Variants in HDAC10 observed in about 807,000 individuals in gnomAD.
The protein encoded by HDAC10 is histone deacetylase 10, also known as polyamine deacetylase HDAC10.
A neutral mutation model predicts 82.3 loss-of-function variants in HDAC10; 90 were observed. That is an observed-to-expected ratio of 1.09 (90% CI 0.92 to 1.30). HDAC10 has a LOEUF of 1.30. Among genes scored for constraint, HDAC10 ranks in the 50% most tolerant of loss-of-function variants. The probability of loss-of-function intolerance (pLI) is 0.00; values close to 1 mark genes in which losing one functional copy is unlikely to be tolerated. For synonymous variants in HDAC10, 456 were observed against 391.7 expected (o/e 1.16, Z -1.94); for missense variants, 934 against 876.3 (o/e 1.07, Z -0.83).
Position 50,245,234 on chromosome 22 carries a change from G to A in HDAC10, c.*273C>T, listed in dbSNP as rs970630954. On this transcript the variant is annotated 3_prime_UTR_variant, in exon 20 of 20. Coordinates refer to ENST00000216271, the MANE Select transcript of HDAC10 (RefSeq NM_032019.6). ...GCGCAAGGGCGGGGAGCGAAGCGCA[G>A]CGGGGCGCAGGGGCCGGAACGGGAC... The A allele has an allele frequency of 1.7e-6, 1 of 574,168 alleles. No homozygotes were observed. The highest frequency in any genetic ancestry group is 2.0e-5 in the African/African-American group (1 of 51,184). 35.6% of individuals were successfully genotyped at this position (574,168 alleles called of 1,614,324 possible). A position where few individuals can be genotyped will look rare whatever the true frequency, so the allele number is the denominator to read the frequency against.
rs1172153666 is a variant in HDAC10 at position 50,245,334 on chromosome 22, G to A, written c.*173C>T. 1 of 645,576 alleles carries A rather than the reference G, an allele frequency of 1.5e-6. No homozygotes were observed. Among genetic ancestry groups the A allele is most frequent in the East Asian group, 2.7e-5 (1 of 36,642 alleles). The allele number at this position is 645,576 out of a possible 1,614,324, so 40.0% of individuals were successfully genotyped here. ...TGGGGCGGGGGCGAGGTGAGGTGAG[G>A]GGTGGAGCGGGGGAAGCACGGGTGG... On this transcript the variant is annotated 3_prime_UTR_variant, in exon 20 of 20. Coordinates refer to ENST00000216271, the MANE Select transcript of HDAC10 (RefSeq NM_032019.6).
At position 50,248,794 on chromosome 22, in the gene HDAC10, A is replaced by G. The variant is rs2065015883; in HGVS notation, c.816+37T>C. On this transcript the variant is annotated intron_variant, in intron 9 of 19. Coordinates refer to ENST00000216271, the MANE Select transcript of HDAC10 (RefSeq NM_032019.6). This position sits in a 1 kb window ranked among gnomAD's most constrained non-coding sequence, Gnocchi z 5.4. ...TGTGATGGGGGACCTGGGCCCCAGG[A>G]CCCCAGAAGCCCTCCCTGGCAAGGC... 1 of 1,601,816 alleles carries G rather than the reference A, an allele frequency of 6.2e-7. No homozygotes were observed. The highest frequency in any genetic ancestry group is 8.5e-7 in the Non-Finnish European group (1 of 1,174,080).
chr22:50,245,445 GC>G lies in HDAC10; in HGVS notation c.*61del, dbSNP rs2064915869. 1 of 739,264 alleles carries G rather than the reference GC, an allele frequency of 1.4e-6. No individual in the cohort carries two copies. Among genetic ancestry groups the G allele is most frequent in the Non-Finnish European group, 2.5e-6 (1 of 401,726 alleles). 45.8% of individuals were successfully genotyped at this position (739,264 alleles called of 1,614,324 possible). ...CCGTGGGCTTGGGGTCCGGATCGCGGCCGCGGGGCGCTGGCGTGCGGTGTCA... is the reference window on the plus strand; with the variant it reads ...CCGTGGGCTTGGGGTCCGGATCGCGGCGCGGGGCGCTGGCGTGCGGTGTCA... On this transcript the variant is annotated 3_prime_UTR_variant, in exon 20 of 20. Transcript: ENST00000216271.
In HDAC10 at chr22:50,245,701, G is replaced by C. The variant is rs765400334; in HGVS notation, c.1960C>G (p.Leu654Val). 6 of 1,613,168 alleles carry C rather than the reference G, an allele frequency of 3.7e-6. No homozygotes were observed. Among genetic ancestry groups the C allele is most frequent in the African/African-American group, 1.3e-5 (1 of 74,950 alleles). ...TGCAACATCTTCCACTGAGGCTCCA[G>C]CTGCCCTCTCAGGTACATCAGGGCC... ...VQALMYLRGQ[L>V]EPQWKMLQCH... Residue 654 changes from leucine to valine, a missense_variant, in exon 19 of 20, where the codon CTG becomes GTG. Leu to Val is a conservative substitution (Grantham distance 32). Transcript: ENST00000216271.
chr22:50,248,010 G>A lies in HDAC10; in HGVS notation c.1217C>T (p.Pro406Leu). Reference sequence around the variant, plus strand: ...AACAGCGGTGCGGACAGAGGGTGCGGGGCAGAGGCACGGCTGGTCCAGGAG... The same window carrying A: ...AACAGCGGTGCGGACAGAGGGTGCGAGGCAGAGGCACGGCTGGTCCAGGAG... Reference protein sequence around the residue: ...SSLLDQPCLCPAPSVRTAVAL... With the variant: ...SSLLDQPCLCLAPSVRTAVAL... Residue 406 changes from proline to leucine, a missense_variant, in exon 13 of 20, where the codon CCC (proline) becomes CTC (leucine). Transcript: ENST00000216271. This position sits in a 1 kb window ranked among gnomAD's most constrained non-coding sequence, Gnocchi z 5.4. The A allele has an allele frequency of 1.2e-6, 2 of 1,612,866 alleles. No individual in the cohort carries two copies. The highest frequency in any genetic ancestry group is 1.3e-5 in the African/African-American group (1 of 75,060).
chr22:50,250,870 G>GTCAGGCGC lies in HDAC10; in HGVS notation c.87_94dup (p.Thr32SerfsTer3). The GTCAGGCGC allele has an allele frequency of 6.2e-7, 1 of 1,602,212 alleles. No individual in the cohort carries two copies. Among genetic ancestry groups the GTCAGGCGC allele is most frequent in the Non-Finnish European group, 8.5e-7 (1 of 1,175,046 alleles). On this transcript the variant is annotated stop_gained and frameshift_variant, in exon 2 of 20. Transcript: ENST00000216271. LOFTEE classifies it high-confidence loss of function. ...CTGCCGCAGGCGATCCAGGGCTGCG[G>GTCAGGCGC]TCAGGCGCTCAGGACGCTCGATCTC...
intron 16 of HDAC10, 29 bp downstream of exon 16, chr22:50,246,650 T>G: frequency 6.2e-7 from 1 of 1,606,856 alleles, no homozygotes. Context: ...CATGCATGGC[T>G]GGACATATGC....
chr22:50,246,200 G>T lies in HDAC10; in HGVS notation c.1650+98C>A. The T allele has an allele frequency of 2.0e-6, 3 of 1,522,180 alleles. No homozygotes were observed. The South Asian group carries it at 3.6e-5, about 18-fold the overall frequency. The allele number at this position is 1,522,180 out of a possible 1,614,324, so 94.3% of individuals were successfully genotyped here. On this transcript the variant is annotated intron_variant, in intron 17 of 19. Coordinates refer to ENST00000216271, the MANE Select transcript of HDAC10 (RefSeq NM_032019.6). ...GGAGTAGGAGCAGGGAGACAGGAAG[G>T]ACCAGAGGCCTGCTATCATGACAAT...
Position 50,248,150 on chromosome 22 carries a change from G to A in HDAC10, c.1082-5C>T, listed in dbSNP as rs2064999811. ...TCATCGGCACAGCGGTCACATCTAG[G>A]GACAGTTCGGAGTCATAGCCACTGC... On this transcript the variant is annotated splice_region_variant and splice_polypyrimidine_tract_variant and intron_variant, in intron 12 of 19. Transcript: ENST00000216271. This position sits in a 1 kb window ranked among gnomAD's most constrained non-coding sequence, Gnocchi z 5.4. The A allele has an allele frequency of 6.3e-7, 1 of 1,588,646 alleles. No homozygotes were observed. Among genetic ancestry groups the A allele is most frequent in the Admixed American group, 1.7e-5 (1 of 58,862 alleles).
Position 50,250,758 on chromosome 22 carries a change from C to A in HDAC10, c.194+13G>T, listed in dbSNP as rs1371201172. ...GCCCCGCCCCCCATCGTGGGGCCTG[C>A]CCCCGTCCTGACCTGTGCACCAGGC... On this transcript the variant is annotated intron_variant, in intron 2 of 19. Transcript: ENST00000216271. 12 of 1,571,870 alleles carry A rather than the reference C, an allele frequency of 7.6e-6. No homozygotes were observed. The highest frequency in any genetic ancestry group is 1.2e-5 in the South Asian group (1 of 85,604).
At position 50,250,822 on chromosome 22, in the gene HDAC10, A is replaced by C. The variant is rs751343126; in HGVS notation, c.143T>G (p.Leu48Arg). The change falls in exon 2 of 20, where the codon CTG (leucine) becomes CGG (arginine). Residue 48 changes from leucine to arginine, a missense_variant. Transcript: ENST00000216271. ...LRQRGLEQRC[L>R]RLSAREASEE... ...CGAGGCCTCGCGGGCTGACAACCGCAGACACCTCTGTTCCAGGCCGCGCTG... is the reference window on the plus strand; with the variant it reads ...CGAGGCCTCGCGGGCTGACAACCGCCGACACCTCTGTTCCAGGCCGCGCTG... The C allele has an allele frequency of 1.2e-6, 2 of 1,604,558 alleles. No individual in the cohort carries two copies. The highest frequency in any genetic ancestry group is 4.5e-5 in the East Asian group (2 of 44,518).
At position 50,248,964 on chromosome 22, in the gene HDAC10, C is replaced by A. The variant is rs2065020156; in HGVS notation, c.757-74G>T. The A allele has an allele frequency of 6.6e-7, 1 of 1,512,224 alleles. No homozygotes were observed. The highest frequency in any genetic ancestry group is 1.9e-5 in the Admixed American group (1 of 53,610). The allele number at this position is 1,512,224 out of a possible 1,614,324, so 93.7% of individuals were successfully genotyped here. The stretch of plus-strand genomic sequence containing the variant: ...CCAGGTGAGGGCGAGCCAGGCCCAT[C>A]CCATCCCCTCCTGAGCACCTTCCCC... On this transcript the variant is annotated intron_variant, in intron 8 of 19. Coordinates refer to ENST00000216271, the MANE Select transcript of HDAC10 (RefSeq NM_032019.6). This position sits in a 1 kb window ranked among gnomAD's most constrained non-coding sequence, Gnocchi z 5.4.
Position 50,248,277 on chromosome 22 carries a change from G to C in HDAC10, c.1029C>G (p.Ile343Met), listed in dbSNP as rs776150306. The C allele has an allele frequency of 6.2e-7, 1 of 1,612,490 alleles. No homozygotes were observed. The highest frequency in any genetic ancestry group is 8.5e-7 in the Non-Finnish European group (1 of 1,179,912). ...MAPCQSALES[I>M]QSARAAQAPH... is the part of the protein sequence containing the mutation. ...GGGCCTGGGCAGCACGGGCACTCTG[G>C]ATGGACTCTAGGGCACTGTGAGGGA... Residue 343 changes from isoleucine to methionine, a missense_variant, in exon 12 of 20, where the codon ATC (isoleucine) becomes ATG (methionine). By Grantham distance (10) the Ile-to-Met change is conservative. Coordinates refer to ENST00000216271, the MANE Select transcript of HDAC10 (RefSeq NM_032019.6). The surrounding 1 kb of genome is among the most constrained non-coding windows in gnomAD (Gnocchi z 5.4).
chr22:50,249,776 G>T lies in HDAC10; in HGVS notation c.495-73C>A, dbSNP rs2065041417. 1.9e-6 allele frequency: 3 copies of T among 1,605,854 alleles called. 1 individual carries two copies. Among genetic ancestry groups the T allele is most frequent in the South Asian group, 2.2e-5 (2 of 90,750 alleles). ...CAGGAGCCCGGCCAGGGATGGGAAGGTGCTGGCTGGGTTCTCTCGCCTCCT... is the reference window on the plus strand; with the variant it reads ...CAGGAGCCCGGCCAGGGATGGGAAGTTGCTGGCTGGGTTCTCTCGCCTCCT... On this transcript the variant is annotated intron_variant, in intron 5 of 19. Transcript: ENST00000216271. This position sits in a 1 kb window ranked among gnomAD's most constrained non-coding sequence, Gnocchi z 4.4.
rs2064915077 is a variant in HDAC10 at position 50,245,413 on chromosome 22, G to C, written c.*94C>G. 2.8e-6 allele frequency: 2 copies of C among 712,760 alleles called. No individual in the cohort carries two copies. The highest frequency in any genetic ancestry group is 2.0e-5 in the Admixed American group (1 of 50,074). The allele number at this position is 712,760 out of a possible 1,614,324, so 44.2% of individuals were successfully genotyped here. On this transcript the variant is annotated 3_prime_UTR_variant, in exon 20 of 20. Transcript: ENST00000216271. Reference sequence around the variant, plus strand: ...GGGCGGGGTTCCGTGCCCCAGAGTCGAGGGAGCCGTGGGCTTGGGGTCCGG... The same window carrying C: ...GGGCGGGGTTCCGTGCCCCAGAGTCCAGGGAGCCGTGGGCTTGGGGTCCGG...
chr22:50,245,337 T>TG lies in HDAC10; in HGVS notation c.*169dup. 2.0e-6 allele frequency: 1 copy of TG among 504,822 alleles called. No individual in the cohort carries two copies. Among genetic ancestry groups the TG allele is most frequent in the East Asian group, 3.2e-5 (1 of 31,710 alleles). The allele number at this position is 504,822 out of a possible 1,614,324, so 31.3% of individuals were successfully genotyped here. ...GGCGGGGGCGAGGTGAGGTGAGGGGTGGAGCGGGGGAAGCACGGGTGGGAG... is the reference window on the plus strand; with the variant it reads ...GGCGGGGGCGAGGTGAGGTGAGGGGTGGGAGCGGGGGAAGCACGGGTGGGAG... On this transcript the variant is annotated 3_prime_UTR_variant, in exon 20 of 20. Transcript: ENST00000216271.
chr22:50,250,016 A>G (rs2065047740), intron 4 of HDAC10, 47 bp downstream of exon 4: 1 of 1,603,954 alleles, frequency 6.2e-7, no homozygotes, highest in Admixed American at 1.7e-5. Flanking sequence ...CTGGCCCCTC[A>G]CAGGGCCACC....
In HDAC10 at chr22:50,250,762, C is replaced by G. The variant is rs1169286992; in HGVS notation, c.194+9G>C. The G allele has an allele frequency of 5.1e-6, 8 of 1,576,162 alleles. No homozygotes were observed. The highest frequency in any genetic ancestry group is 1.4e-5 in the African/African-American group (1 of 73,826). ...CGCCCCCCATCGTGGGGCCTGCCCC[C>G]GTCCTGACCTGTGCACCAGGCCCAG... is the stretch of plus-strand genomic sequence containing the variant. On this transcript the variant is annotated intron_variant, in intron 2 of 19. Transcript: ENST00000216271.
intron 3 of HDAC10, 65 bp downstream of exon 3, chr22:50,250,362 G>A (rs2065057666): frequency 1.3e-6 from 2 of 1,491,618 alleles, no homozygotes; most frequent in East Asian, 4.5e-5. Context: ...GGCGGCCGTG[G>A]CTGTGAACGC....
Sources: allele counts gnomAD v4.1 joint callset, GRCh38; gene constraint gnomAD v4.1.1; non-coding constraint Gnocchi (gnomAD v3.1); transcripts MANE v1.5; gene names NCBI Gene and HGNC (gene_info 2026-07-23, HGNC 2026-07-21).